The following NKAIN2 variants were observed in gnomAD, a reference collection of about 807,000 sequenced individuals.
NKAIN2 encodes the protein sodium/potassium-transporting ATPase subunit beta-1-interacting protein 2.
NKAIN2 carries 14 observed loss-of-function variants against 32.6 expected under a neutral mutation model. That is an observed-to-expected ratio of 0.43 (90% CI 0.28 to 0.67). The LOEUF is 0.67. Among genes scored for constraint, NKAIN2 ranks in the 30% least tolerant of loss-of-function variants. The probability of loss-of-function intolerance (pLI) is 0.17; values close to 1 mark genes in which losing one functional copy is unlikely to be tolerated. For missense variants in NKAIN2, 198 were observed against 258.3 expected (o/e 0.77, Z 1.60); for synonymous variants, 80 against 87.2 (o/e 0.92, Z 0.46).
rs147746717 is a variant in NKAIN2 at position 124,479,235 on chromosome 6, G to A, written c.273+123888G>A. Among the ~76,000 whole-genome samples the A allele has an allele frequency of 1.5e-4, 23 of 152,194 alleles. No homozygotes were observed. The East Asian group carries it at 3.5e-3, about 23-fold the overall frequency. On this transcript the variant is annotated intron_variant, in intron 3 of 6. Coordinates refer to ENST00000368417, the MANE Select transcript of NKAIN2 (RefSeq NM_001040214.3). ...AAAAAGAATAGTAGGTAAAAACTAAGGAAATCTGAATAAAATATGCCCTTT... is the reference window on the plus strand; with the variant it reads ...AAAAAGAATAGTAGGTAAAAACTAAAGAAATCTGAATAAAATATGCCCTTT...
chr6:123,807,966 A>G (rs1773290185), intron 1 of NKAIN2, among the ~76,000 whole-genome samples: 1 of 152,190 alleles, frequency 6.6e-6, no homozygotes, highest in Non-Finnish European at 1.5e-5. Flanking sequence ...GTTACTTTCT[A>G]TCACAGGATT....
chr6:124,394,822 T>A (rs760163374), intron 3 of NKAIN2, among the ~76,000 whole-genome samples: 20 of 152,120 alleles, frequency 1.3e-4, no homozygotes, highest in Non-Finnish European at 2.5e-4. Context: ...CAAACACCCA[T>A]AATAGTGTTT....
intron 2 of NKAIN2, among the ~76,000 whole-genome samples, chr6:124,344,313 G>C (rs564146101): frequency 4.6e-5 from 7 of 152,010 alleles, no homozygotes; most frequent in Admixed American, 2.6e-4. Context: ...TTGGTGATGC[G>C]GGCTCTTTTT....
intron 3 of NKAIN2, among the ~76,000 whole-genome samples, chr6:124,591,120 T>C (rs1781895679): frequency 6.6e-6 from 1 of 152,184 alleles, no homozygotes; most frequent in Non-Finnish European, 1.5e-5. Flanking sequence ...TGTGAGAAAT[T>C]AGGAAATTCT....
intron 3 of NKAIN2, among the ~76,000 whole-genome samples, chr6:124,445,901 C>T (rs1487721969): frequency 6.6e-6 from 1 of 152,058 alleles, no homozygotes; most frequent in Admixed American, 6.6e-5. Context: ...ATTCATCTGG[C>T]TAATTCTATG....
At chr6:124,520,412 A>G (rs1163916605) in intron 3 of NKAIN2, among the ~76,000 whole-genome samples, 1 of 152,204 alleles carries the variant, frequency 6.6e-6, no homozygotes, top group East Asian at 1.9e-4. Context: ...GAATATTCTT[A>G]TTAAGAATTT....
chr6:124,529,216 A>G (rs1300254480), intron 3 of NKAIN2, among the ~76,000 whole-genome samples: 1 of 152,156 alleles, frequency 6.6e-6, no homozygotes, highest in Non-Finnish European at 1.5e-5. Context: ...AACCTCACTC[A>G]AACTAAGATG....
chr6:124,687,973 G>A (rs531192260), intron 4 of NKAIN2, among the ~76,000 whole-genome samples: 1 of 151,176 alleles, frequency 6.6e-6, no homozygotes, highest in Non-Finnish European at 1.5e-5. Context: ...TTCATTTTTT[G>A]CTTCCAGCAA....
intron 3 of NKAIN2, among the ~76,000 whole-genome samples, chr6:124,580,193 G>A (rs1781471334): frequency 6.6e-6 from 1 of 152,104 alleles, no homozygotes; most frequent in African/African-American, 2.4e-5. Context: ...CAAAAACACA[G>A]AATACTGTAA....
chr6:124,419,185 A>G lies in NKAIN2; in HGVS notation c.273+63838A>G, dbSNP rs184330185. Among the ~76,000 whole-genome samples, 687 of 151,916 alleles carry G rather than the reference A, an allele frequency of 4.5e-3. 1 individual carries two copies. The highest frequency in any genetic ancestry group is 6.4e-3 in the Non-Finnish European group (436 of 67,914). The stretch of plus-strand genomic sequence containing the variant: ...CTCCCTCTTCATCTTTTCTTTTTGA[A>G]TCTACTTTATTCTTCTCTAGTCTTG... On this transcript the variant is annotated intron_variant, in intron 3 of 6. Transcript: ENST00000368417.
In NKAIN2 at chr6:123,976,347, CCATATAT is replaced by C. The variant is rs1562287569; in HGVS notation, c.54+172094_54+172100del. Among the ~76,000 whole-genome samples, 11 of 4,892 alleles carry C rather than the reference CCATATAT, an allele frequency of 2.2e-3. 2 individuals are homozygous for C. The highest frequency in any genetic ancestry group is 3.5e-3 in the African/African-American group (9 of 2,608). 3.2% of individuals were successfully genotyped at this position (4,892 alleles called of 152,430 possible). On this transcript the variant is annotated intron_variant, in intron 1 of 6. Coordinates refer to ENST00000368417, the MANE Select transcript of NKAIN2 (RefSeq NM_001040214.3). ...TATGTTCCCATATATATATATGTTCCCATATATATATATATATATATTCCCATATATA... is the reference window on the plus strand; with the variant it reads ...TATGTTCCCATATATATATATGTTCCATATATATATATATTCCCATATATA...
At chr6:124,064,726 T>G (rs1171804028) in intron 1 of NKAIN2, among the ~76,000 whole-genome samples, 1 of 152,186 alleles carries the variant, frequency 6.6e-6, no homozygotes, top group Non-Finnish European at 1.5e-5. Context: ...CGTTTTTGTT[T>G]TAACTATTAG....
intron 4 of NKAIN2, among the ~76,000 whole-genome samples, chr6:124,670,707 C>G (rs1335975568): frequency 6.9e-6 from 1 of 145,474 alleles, no homozygotes; most frequent in African/African-American, 2.5e-5. Flanking sequence ...TCTTTTATAT[C>G]CCATATGCTT....
At chr6:123,887,759 A>G (rs1773796294) in intron 1 of NKAIN2, among the ~76,000 whole-genome samples, 1 of 152,114 alleles carries the variant, frequency 6.6e-6, no homozygotes, top group South Asian at 2.1e-4. Context: ...TAGTGACAAA[A>G]TTAGAATTAG....
chr6:124,567,029 T>G (rs1386489952), intron 3 of NKAIN2, among the ~76,000 whole-genome samples: 1 of 152,250 alleles, frequency 6.6e-6, no homozygotes, highest in Non-Finnish European at 1.5e-5. Flanking sequence ...CTTTAAATTC[T>G]TTAGTACTTT....
chr6:124,401,503 A>T (rs1562158260), intron 3 of NKAIN2, among the ~76,000 whole-genome samples: 1 of 152,188 alleles, frequency 6.6e-6, no homozygotes, highest in African/African-American at 2.4e-5. Context: ...CAGAGACCAT[A>T]TAGCCTTCAA....
chr6:123,903,259 TG>T (rs1210874116), intron 1 of NKAIN2, among the ~76,000 whole-genome samples: 3 of 152,170 alleles, frequency 2.0e-5, no homozygotes, highest in Admixed American at 2.0e-4. Flanking sequence ...AATTGGAGCA[TG>T]GGGGAAGAGC....
intron 4 of NKAIN2, among the ~76,000 whole-genome samples, chr6:124,781,371 C>T (rs1179998302): frequency 2.0e-5 from 3 of 152,006 alleles, no homozygotes; most frequent in Non-Finnish European, 2.9e-5. Context: ...AGCAGAATGG[C>T]TGTAAAGATG....
intron 1 of NKAIN2, among the ~76,000 whole-genome samples, chr6:123,850,095 C>T (rs1406026838): frequency 6.6e-6 from 1 of 151,118 alleles, no homozygotes; most frequent in East Asian, 2.0e-4. Flanking sequence ...AGCGAGAGCC[C>T]GCATGCCGAG....
Sources: allele counts gnomAD v4.1 joint callset (sites outside exome capture counted in the v4.1 genomes callset), GRCh38; gene constraint gnomAD v4.1.1; transcripts MANE v1.5; gene names NCBI Gene and HGNC (gene_info 2026-07-23, HGNC 2026-07-21).